The following GOLIM4 variants were observed in gnomAD, a reference collection of about 807,000 sequenced individuals.
GOLIM4 encodes the protein golgi integral membrane protein 4.
In GOLIM4, 71 loss-of-function variants were observed where a neutral mutation model predicts 107.4. That is an observed-to-expected ratio of 0.66 (90% CI 0.55 to 0.81). The LOEUF (loss-of-function observed/expected upper bound fraction) is 0.81, where lower values mean the gene tolerates loss of function less well. GOLIM4 is among the 30% of genes least tolerant of loss of function. The probability of loss-of-function intolerance (pLI) is 0.00; values close to 1 mark genes in which losing one functional copy is unlikely to be tolerated. For synonymous variants in GOLIM4, 327 were observed against 294.8 expected (o/e 1.11, Z -1.12); for missense variants, 830 against 826.1 (o/e 1.00, Z -0.06).
intron 7 of GOLIM4, among the ~76,000 whole-genome samples, chr3:168,038,189 T>A (rs1437818544): frequency 3.9e-5 from 6 of 152,210 alleles, no homozygotes; most frequent in Non-Finnish European, 1.5e-5. Context: ...ATGGCCTTTA[T>A]CTGAGAAATC....
At chr3:168,042,241 ATT>A (rs112308497) in intron 5 of GOLIM4, among the ~76,000 whole-genome samples, 1 of 145,058 alleles carries the variant, frequency 6.9e-6, no homozygotes, top group African/African-American at 2.5e-5. Flanking sequence ...TTTAGCACCT[ATT>A]TTTTTTTTTT....
At chr3:168,074,551 C>T (rs1330192190) in intron 1 of GOLIM4, among the ~76,000 whole-genome samples, 1 of 152,076 alleles carries the variant, frequency 6.6e-6, no homozygotes, top group Non-Finnish European at 1.5e-5. Flanking sequence ...AGAAGTATAA[C>T]AAAGTAGTAA....
intron 1 of GOLIM4, among the ~76,000 whole-genome samples, chr3:168,079,920 A>G (rs1176595401): frequency 6.6e-6 from 1 of 152,160 alleles, no homozygotes; most frequent in Non-Finnish European, 1.5e-5. Flanking sequence ...TCAGTCACTT[A>G]AAGTAAAAAA....
chr3:168,087,897 T>C (rs1721706430), intron 1 of GOLIM4, among the ~76,000 whole-genome samples: 1 of 152,226 alleles, frequency 6.6e-6, no homozygotes, highest in South Asian at 2.1e-4. Flanking sequence ...ATAAATGTTA[T>C]GGATTAAAAA....
At chr3:168,066,258 A>G (rs1720540412) in intron 1 of GOLIM4, among the ~76,000 whole-genome samples, 1 of 152,198 alleles carries the variant, frequency 6.6e-6, no homozygotes, top group Non-Finnish European at 1.5e-5. Context: ...AGGTGAAAAC[A>G]GGAAGTTCAG....
chr3:168,044,370 A>G (rs1719187509), intron 4 of GOLIM4, among the ~76,000 whole-genome samples: 1 of 152,216 alleles, frequency 6.6e-6, no homozygotes, highest in South Asian at 2.1e-4. Flanking sequence ...TTACTCAAGG[A>G]CCAAGGAAGC....
At chr3:168,058,595 T>C (rs1720101095) in intron 1 of GOLIM4, among the ~76,000 whole-genome samples, 1 of 152,100 alleles carries the variant, frequency 6.6e-6, no homozygotes, top group African/African-American at 2.4e-5. Flanking sequence ...TAAATACACG[T>C]TGTGAGAAGA....
At chr3:168,082,389 T>A (rs1721417516) in intron 1 of GOLIM4, among the ~76,000 whole-genome samples, 1 of 152,106 alleles carries the variant, frequency 6.6e-6, no homozygotes, top group South Asian at 2.1e-4. Context: ...CAAAATATTG[T>A]TACTGTGAGA....
rs562027877 is a variant in GOLIM4, at chr3:168,039,828, G to A, written c.684+958C>T. Among the ~76,000 whole-genome samples, 232 of 152,134 alleles carry A rather than the reference G, an allele frequency of 1.5e-3. 1 individual carries two copies. The highest frequency in any genetic ancestry group is 5.2e-3 in the African/African-American group (216 of 41,496). On this transcript the variant is annotated intron_variant, in intron 7 of 15. Coordinates refer to ENST00000470487, the MANE Select transcript of GOLIM4 (RefSeq NM_014498.5). ...GACGTGAAATGAAATGATCCCTGAC[G>A]TCAATTTCATTTATACACATGTAAA... is the stretch of plus-strand genomic sequence containing the variant.
chr3:168,084,263 C>T (rs192999097), intron 1 of GOLIM4, among the ~76,000 whole-genome samples: 58 of 152,270 alleles, frequency 3.8e-4, no homozygotes, highest in African/African-American at 1.3e-3. Context: ...GCCTCCCAGC[C>T]ATGCTTCCTA....
chr3:168,065,305 T>G (rs1046402974), intron 1 of GOLIM4, among the ~76,000 whole-genome samples: 5 of 152,202 alleles, frequency 3.3e-5, no homozygotes, highest in Non-Finnish European at 5.9e-5. Context: ...GACTTAAGTT[T>G]AAGTAAGAGA....
At position 168,095,366 on chromosome 3, in the gene GOLIM4, C is replaced by G; in HGVS notation, c.-81G>C. 8.1e-7 allele frequency: 1 copy of G among 1,230,540 alleles called. No individual in the cohort carries two copies. The highest frequency in any genetic ancestry group is 1.1e-6 in the Non-Finnish European group (1 of 870,462). 76.2% of individuals were successfully genotyped at this position (1,230,540 alleles called of 1,614,324 possible). On this transcript the variant is annotated 5_prime_UTR_variant, in exon 1 of 16. Transcript: ENST00000470487. The stretch of plus-strand genomic sequence containing the variant: ...GAGCGAGCGTCTCAGCAGCGGCCGC[C>G]GCAGTAGGTGGCCAGACGCAGCATG...
rs907242462 is a variant in GOLIM4, at chr3:168,095,811, AGCTGTCTCG to A, written c.-535_-527del. 6.5e-6 allele frequency: 1 copy of A among 152,898 alleles called. No individual in the cohort carries two copies. Among genetic ancestry groups the A allele is most frequent in the Non-Finnish European group, 1.5e-5 (1 of 68,678 alleles). 9.5% of individuals were successfully genotyped at this position (152,898 alleles called of 1,614,324 possible). A position where few individuals can be genotyped will look rare whatever the true frequency, so the allele number is the denominator to read the frequency against. On this transcript the variant is annotated 5_prime_UTR_variant, in exon 1 of 16. Transcript: ENST00000470487. ...CCCAATGGGTGGAAGGGTGGGGGCC[AGCTGTCTCG>A]GCTGGTTTTGGGGACGGCACAGCGG...
chr3:168,077,577 A>T (rs1721136501), intron 1 of GOLIM4, among the ~76,000 whole-genome samples: 1 of 152,160 alleles, frequency 6.6e-6, no homozygotes, highest in Non-Finnish European at 1.5e-5. Context: ...CATTATTCCA[A>T]GTTTGTTGTT....
chr3:168,012,147 T>A (rs1717080032), intron 14 of GOLIM4, among the ~76,000 whole-genome samples: 3 of 118,924 alleles, frequency 2.5e-5, no homozygotes, highest in South Asian at 4.5e-4. Context: ...TTGAAAAAAA[T>A]TTAGAAGAAT....
At chr3:168,075,654 T>C (rs984498526) in intron 1 of GOLIM4, among the ~76,000 whole-genome samples, 3 of 152,158 alleles carry the variant, frequency 2.0e-5, no homozygotes, top group Non-Finnish European at 2.9e-5. Flanking sequence ...ACTCTGGAAA[T>C]ATTCTGAGCA....
In GOLIM4 at chr3:168,067,741, G is replaced by A. The variant is rs537201508; in HGVS notation, c.188-19376C>T. Among the ~76,000 whole-genome samples the A allele has an allele frequency of 2.4e-4, 36 of 152,092 alleles. No homozygotes were observed. The South Asian group carries it at 2.5e-3, about 11-fold the overall frequency. The stretch of plus-strand genomic sequence containing the variant: ...TGAATGAACGTAGTTGCCAAAGTAC[G>A]GACAGAAGCCAGCAAATCATCCCCA... On this transcript the variant is annotated intron_variant, in intron 1 of 15. Transcript: ENST00000470487.
At chr3:168,054,660 ATAAG>A (rs1164975974) in intron 1 of GOLIM4, among the ~76,000 whole-genome samples, 2 of 152,012 alleles carry the variant, frequency 1.3e-5, no homozygotes, top group Admixed American at 1.3e-4. Context: ...ACTGTTATAA[ATAAG>A]TAAAATAATA....
intron 2 of GOLIM4, among the ~76,000 whole-genome samples, chr3:168,047,275 T>G (rs1357843177): frequency 6.6e-6 from 1 of 152,218 alleles, no homozygotes; most frequent in Non-Finnish European, 1.5e-5. Flanking sequence ...TATCTCTGAT[T>G]AACTCTCCTT....
Sources: allele counts gnomAD v4.1 joint callset (sites outside exome capture counted in the v4.1 genomes callset), GRCh38; gene constraint gnomAD v4.1.1; transcripts MANE v1.5; gene names NCBI Gene and HGNC (gene_info 2026-07-23, HGNC 2026-07-21).